Variants in ADAMTS12 observed in about 807,000 individuals in gnomAD.
ADAMTS12 encodes the protein ADAM metallopeptidase with thrombospondin type 1 motif 12.
Under a neutral mutation model 167.8 loss-of-function variants are expected in ADAMTS12, and 118 were observed. The ratio of observed to expected loss-of-function variants is 0.70; its 90% CI spans 0.61 to 0.82. ADAMTS12 has a LOEUF of 0.82. Ranked by LOEUF, ADAMTS12 falls within the 40% of genes least tolerant of loss-of-function variation. The probability of loss-of-function intolerance (pLI) is 0.00; values close to 1 mark genes in which losing one functional copy is unlikely to be tolerated. For missense variants in ADAMTS12, 1,916 were observed against 1,998.8 expected, an observed-to-expected ratio of 0.96 and a Z score of 0.79; for synonymous variants, 704 against 716.9, an observed-to-expected ratio of 0.98 and a Z score of 0.29.
chr5:33,812,115 G>T (rs960264368), intron 2 of ADAMTS12, among the ~76,000 whole-genome samples: 8 of 151,998 alleles, frequency 5.3e-5, no homozygotes, highest in African/African-American at 1.9e-4. Context: ...GAAAGACCTC[G>T]TTTCTACAAA....
chr5:33,660,676 C>T (rs1741226168), intron 6 of ADAMTS12, among the ~76,000 whole-genome samples: 1 of 152,158 alleles, frequency 6.6e-6, no homozygotes, highest in Non-Finnish European at 1.5e-5. Context: ...TGATCAGGTC[C>T]TCGGTGTCCC....
At chr5:33,582,097 G>A (rs180719302) in intron 18 of ADAMTS12, among the ~76,000 whole-genome samples, 3 of 152,236 alleles carry the variant, frequency 2.0e-5, no homozygotes, top group East Asian at 3.9e-4. Flanking sequence ...CCAGTTTGTG[G>A]TACTTCATTA....
At chr5:33,889,504 A>G (rs2111810956) in intron 1 of ADAMTS12, among the ~76,000 whole-genome samples, 1 of 152,280 alleles carries the variant, frequency 6.6e-6, no homozygotes, top group Middle Eastern at 3.4e-3. Flanking sequence ...TTCATTCTCT[A>G]CTGGTTTGCC....
intron 2 of ADAMTS12, among the ~76,000 whole-genome samples, chr5:33,845,623 T>G (rs1423571174): frequency 6.6e-6 from 1 of 152,208 alleles, no homozygotes; most frequent in Non-Finnish European, 1.5e-5. Context: ...CAAAGCATTT[T>G]CCCTCAAATG....
intron 20 of ADAMTS12, among the ~76,000 whole-genome samples, chr5:33,554,088 G>C (rs1182568807): frequency 6.6e-6 from 1 of 152,148 alleles, no homozygotes; most frequent in Non-Finnish European, 1.5e-5. Context: ...AATCTAGTGA[G>C]GACACAAAGG....
intron 17 of ADAMTS12, among the ~76,000 whole-genome samples, chr5:33,590,708 C>A (rs116926814): frequency 2.0e-5 from 3 of 152,164 alleles, no homozygotes; most frequent in Non-Finnish European, 4.4e-5. Context: ...CGAACTCCTG[C>A]GCTCAAGTAA....
At chr5:33,782,628 A>G (rs1218272643) in intron 2 of ADAMTS12, among the ~76,000 whole-genome samples, 1 of 152,122 alleles carries the variant, frequency 6.6e-6, no homozygotes, top group East Asian at 1.9e-4. Flanking sequence ...TAATCATAAA[A>G]GAGCTAGGTT....
chr5:33,666,865 G>T (rs34141937), intron 5 of ADAMTS12, among the ~76,000 whole-genome samples: 2 of 151,866 alleles, frequency 1.3e-5, no homozygotes, highest in Non-Finnish European at 2.9e-5. Context: ...AGATTAATCC[G>T]TTTTTTATAT....
chr5:33,533,441 C>T (rs1403863921), intron 23 of ADAMTS12, among the ~76,000 whole-genome samples: 8 of 152,156 alleles, frequency 5.3e-5, no homozygotes, highest in Non-Finnish European at 1.2e-4. Context: ...CACCAGGGAT[C>T]TTGTTAAATG....
chr5:33,762,533 G>GGAAA (rs914470223), intron 2 of ADAMTS12, among the ~76,000 whole-genome samples: 5 of 151,480 alleles, frequency 3.3e-5, no homozygotes, highest in South Asian at 4.2e-4. Flanking sequence ...AATAAATAAA[G>GGAAA]GAAAGAAAGA....
At chr5:33,751,301 A>C in intron 3 of ADAMTS12, 103 bp downstream of exon 3, 1 of 1,405,880 alleles carries the variant, frequency 7.1e-7, no homozygotes, top group Non-Finnish European at 9.9e-7. Context: ...AAAAGAATAC[A>C]GAGGAGATAA....
chr5:33,615,153 T>C (rs1014995116), intron 15 of ADAMTS12, among the ~76,000 whole-genome samples: 3 of 152,188 alleles, frequency 2.0e-5, no homozygotes, highest in African/African-American at 7.2e-5. Context: ...CATGTGTTAA[T>C]CCTTGCCTGT....
chr5:33,552,899 T>C (rs1016419059), intron 20 of ADAMTS12, among the ~76,000 whole-genome samples: 2 of 152,164 alleles, frequency 1.3e-5, no homozygotes, highest in African/African-American at 4.8e-5. Flanking sequence ...CAAAAGAAAC[T>C]ATCAACAGAG....
chr5:33,826,989 C>A (rs1248994027), intron 2 of ADAMTS12, among the ~76,000 whole-genome samples: 1 of 151,474 alleles, frequency 6.6e-6, no homozygotes, highest in Non-Finnish European at 1.5e-5. Context: ...ATTTAATGAC[C>A]CTTAATAAGT....
intron 2 of ADAMTS12, among the ~76,000 whole-genome samples, chr5:33,754,246 C>T (rs1363031041): frequency 6.6e-6 from 1 of 152,242 alleles, no homozygotes; most frequent in African/African-American, 2.4e-5. Context: ...TCTTCTGTTA[C>T]AAGGTCTGTA....
At chr5:33,710,336 A>C (rs1246862287) in intron 3 of ADAMTS12, among the ~76,000 whole-genome samples, 1 of 152,176 alleles carries the variant, frequency 6.6e-6, no homozygotes, top group Non-Finnish European at 1.5e-5. Context: ...AAGAATCTGC[A>C]TGTAAAAATG....
chr5:33,683,983 C>G lies in ADAMTS12; in HGVS notation c.707G>C (p.Ser236Thr). 1 of 1,612,220 alleles carries G rather than the reference C, an allele frequency of 6.2e-7. No individual in the cohort carries two copies. Among genetic ancestry groups the G allele is most frequent in the Non-Finnish European group, 8.5e-7 (1 of 1,179,306 alleles). Residue 236 changes from serine (S) to threonine (T), a missense_variant, in exon 4 of 24, where the codon AGC becomes ACC. Coordinates refer to ENST00000504830, the MANE Select transcript of ADAMTS12 (RefSeq NM_030955.4). Reference protein sequence around the residue: ...KWERHNLPSRSLSRRSISKER... With the variant: ...KWERHNLPSRTLSRRSISKER... ...CTTGCTGATGGAACGCCGAGAGAGG[C>G]TTCTGCTTGGCAAGTTGTGCCTCTC...
intron 2 of ADAMTS12, among the ~76,000 whole-genome samples, chr5:33,782,090 T>G (rs888415304): frequency 2.6e-5 from 4 of 152,046 alleles, no homozygotes; most frequent in African/African-American, 9.7e-5. Context: ...AAATGACAAA[T>G]ATAACAATTT....
intron 14 of ADAMTS12, among the ~76,000 whole-genome samples, chr5:33,620,085 A>G (rs1240567154): frequency 1.3e-5 from 2 of 152,238 alleles, no homozygotes; most frequent in Non-Finnish European, 2.9e-5. Context: ...AGCTACATGA[A>G]AGATAAAAAG....
Sources: gnomAD v4.1 joint callset for allele counts (sites outside exome capture counted in the v4.1 genomes callset) on GRCh38, gnomAD v4.1.1 for gene constraint, MANE v1.5 for transcripts, NCBI Gene and HGNC (gene_info 2026-07-23, HGNC 2026-07-21) for gene names.